Variants in PDE6B observed in about 807,000 individuals in gnomAD.
PDE6B encodes rod cGMP-specific 3',5'-cyclic phosphodiesterase subunit beta.
A neutral mutation model predicts 109.0 loss-of-function variants in PDE6B; 106 were observed. That is an observed-to-expected ratio of 0.97 (90% CI 0.83 to 1.14). PDE6B has a LOEUF of 1.14. Ranked by LOEUF, PDE6B falls within the 50% of genes most tolerant of loss-of-function variation. The pLI, the probability that PDE6B is intolerant of heterozygous loss-of-function variation, is 0.00. For missense variants in PDE6B, 1,193 were observed against 1,155.6 expected (o/e 1.03, Z -0.47); for synonymous variants, 490 against 471.3 (o/e 1.04, Z -0.51).
intron 3 of PDE6B, among the ~76,000 whole-genome samples, chr4:643,573 G>A (rs1735045225): frequency 6.6e-6 from 1 of 152,076 alleles, no homozygotes; most frequent in Admixed American, 6.5e-5. Flanking sequence ...ATTAATTATT[G>A]ATTCAATTTC....
chr4:642,731 A>AAC (rs1248826236), intron 3 of PDE6B, among the ~76,000 whole-genome samples: 2 of 150,340 alleles, frequency 1.3e-5, no homozygotes, highest in Non-Finnish European at 3.0e-5. Context: ...GTCTCAAAAA[A>AAC]AAAAAAAAAA....
At chr4:649,125 G>A (rs980773786) in intron 3 of PDE6B, among the ~76,000 whole-genome samples, 116 of 152,352 alleles carry the variant, frequency 7.6e-4, no homozygotes, top group Non-Finnish European at 8.2e-4. Flanking sequence ...CTGCCGTAGC[G>A]AAGCCCCGAG....
At position 663,623 on chromosome 4, in the gene PDE6B, C is replaced by A; in HGVS notation, c.1921-147C>A. 1.4e-6 allele frequency: 1 copy of A among 694,870 alleles called. No individual in the cohort carries two copies. Among genetic ancestry groups the A allele is most frequent in the Non-Finnish European group, 2.6e-6 (1 of 379,074 alleles). The allele number at this position is 694,870 out of a possible 1,614,324, so 43.0% of individuals were successfully genotyped here. ...TGGGCACCCTGAGGAGGGCCCTGAG[C>A]AGCAGGCGGATTAGGGGTCCCGCCC... is the stretch of plus-strand genomic sequence containing the variant. On this transcript the variant is annotated intron_variant, in intron 15 of 21. Transcript: ENST00000496514. The surrounding 1 kb of genome is among the most constrained non-coding windows in gnomAD (Gnocchi z 4.0).
chr4:659,097 C>A, intron 11 of PDE6B, 80 bp downstream of exon 11: 1 of 1,040,398 alleles, frequency 9.6e-7, no homozygotes, highest in Non-Finnish European at 1.5e-6. Context: ...TTCTCCGGGA[C>A]CCGACGGTGC....
chr4:643,789 G>A (rs553845228), intron 3 of PDE6B, among the ~76,000 whole-genome samples: 71 of 149,696 alleles, frequency 4.7e-4, no homozygotes, highest in South Asian at 2.7e-3. Flanking sequence ...AGCTTTGAGT[G>A]TTGATTTAGA....
chr4:655,819 A>C (rs1736158348), intron 6 of PDE6B, 121 bp from the exon 7 acceptor site: 1 of 757,554 alleles, frequency 1.3e-6, no homozygotes, highest in Non-Finnish European at 2.4e-6. Context: ...ACCCCTGCAC[A>C]CACACGTGCA....
At chr4:639,491 G>C (rs1422903951) in intron 3 of PDE6B, among the ~76,000 whole-genome samples, 3 of 152,098 alleles carry the variant, frequency 2.0e-5, no homozygotes, top group Non-Finnish European at 4.4e-5. Context: ...AAGTTCATGG[G>C]CAAATGTCTG....
chr4:637,826 G>A (rs948224479), intron 3 of PDE6B, among the ~76,000 whole-genome samples: 6 of 152,200 alleles, frequency 3.9e-5, no homozygotes, highest in South Asian at 4.1e-4. Context: ...ACGACAGCGC[G>A]ACACATTCTG....
Position 662,132 on chromosome 4 carries a change from A to C in PDE6B, c.1615-2A>C. ...AGCCCTGTGTCCTCTCGGCTCCCCC[A>C]GGTCCTGGTGCGGTTCCTGTTCTCC... On this transcript the variant is annotated splice_acceptor_variant, in intron 12 of 21. Transcript: ENST00000496514. LOFTEE classifies it high-confidence loss of function. This position sits in a 1 kb window ranked among gnomAD's most constrained non-coding sequence, Gnocchi z 4.3. 6.6e-7 allele frequency: 1 copy of C among 1,510,812 alleles called. No individual in the cohort carries two copies. 93.6% of individuals were successfully genotyped at this position (1,510,812 alleles called of 1,614,324 possible). A position where few individuals can be genotyped will look rare whatever the true frequency, so the allele number is the denominator to read the frequency against.
At chr4:642,362 G>T (rs1010981784) in intron 3 of PDE6B, among the ~76,000 whole-genome samples, 3 of 152,094 alleles carry the variant, frequency 2.0e-5, no homozygotes, top group Admixed American at 1.3e-4. Context: ...TATAATTCCA[G>T]CTACTTGGGA....
In PDE6B at chr4:644,895, T is replaced by G. The variant is rs1735124945; in HGVS notation, c.711+8926T>G. Among the ~76,000 whole-genome samples the G allele has an allele frequency of 1.3e-5, 2 of 152,078 alleles. 1 individual carries two copies. Among genetic ancestry groups the G allele is most frequent in the African/African-American group, 4.8e-5 (2 of 41,334 alleles). Reference sequence around the variant, plus strand: ...TGCCTGCTGGATGTGCTCATTCTGATAGAGGGTACTAAGTCTCCAACAGTA... The same window carrying G: ...TGCCTGCTGGATGTGCTCATTCTGAGAGAGGGTACTAAGTCTCCAACAGTA... On this transcript the variant is annotated intron_variant, in intron 3 of 21. Transcript: ENST00000496514.
rs1011162042 is a variant in PDE6B, at chr4:636,941, C to A, written c.711+972C>A. ...AGCCCCAATCCAAGCAGGCCTCTCA[C>A]GGCCAGGGCCGTGGGAACCAGGGAC... On this transcript the variant is annotated intron_variant, in intron 3 of 21. Coordinates refer to ENST00000496514, the MANE Select transcript of PDE6B (RefSeq NM_000283.4). The surrounding 1 kb of genome is among the most constrained non-coding windows in gnomAD (Gnocchi z 4.5). Among the ~76,000 whole-genome samples, 5 of 152,220 alleles carry A rather than the reference C, an allele frequency of 3.3e-5. No homozygotes were observed. Among genetic ancestry groups the A allele is most frequent in the African/African-American group, 1.2e-4 (5 of 41,458 alleles).
intron 3 of PDE6B, among the ~76,000 whole-genome samples, chr4:639,911 C>G (rs1001502986): frequency 1.3e-5 from 2 of 152,074 alleles, no homozygotes; most frequent in African/African-American, 4.8e-5. Context: ...CTGGGTCTCC[C>G]CCTCAGGTCC....
chr4:667,823 C>A, intron 20 of PDE6B, 33 bp from the exon 21 acceptor site: 1 of 1,607,746 alleles, frequency 6.2e-7, no homozygotes, highest in African/African-American at 1.3e-5. Flanking sequence ...GCAGGCAGGA[C>A]AGGACTGGTG....
In PDE6B at chr4:648,297, G is replaced by A. The variant is rs1272087647; in HGVS notation, c.712-5555G>A. 6.6e-6 allele frequency among the ~76,000 whole-genome samples: 1 copy of A among 152,114 alleles called. No individual in the cohort carries two copies. The highest frequency in any genetic ancestry group is 6.5e-5 in the Admixed American group (1 of 15,278). ...TCGATTTTGCACCAGACATTGCCCA[G>A]TCCTAGGAAAAGCTGTTTCTGGGTC... On this transcript the variant is annotated intron_variant, in intron 3 of 21. Coordinates refer to ENST00000496514, the MANE Select transcript of PDE6B (RefSeq NM_000283.4). This position sits in a 1 kb window ranked among gnomAD's most constrained non-coding sequence, Gnocchi z 4.5.
Position 662,456 on chromosome 4 carries a change from T to TC in PDE6B, c.1723-49dup. ...CTAGGTCATCCCAACCCCTCACCAC[T>TC]CCCCACCCTGCTGGAGCCAGGACCG... On this transcript the variant is annotated intron_variant, in intron 13 of 21. Coordinates refer to ENST00000496514, the MANE Select transcript of PDE6B (RefSeq NM_000283.4). This position sits in a 1 kb window ranked among gnomAD's most constrained non-coding sequence, Gnocchi z 4.3. 7.8e-7 allele frequency: 1 copy of TC among 1,281,484 alleles called. No individual in the cohort carries two copies. Among genetic ancestry groups the TC allele is most frequent in the Non-Finnish European group, 1.1e-6 (1 of 877,944 alleles). 79.4% of individuals were successfully genotyped at this position (1,281,484 alleles called of 1,614,324 possible). A position where few individuals can be genotyped will look rare whatever the true frequency, so the allele number is the denominator to read the frequency against.
rs1735303656 is a variant in PDE6B at position 648,189 on chromosome 4, T to C, written c.712-5663T>C. ...GAATTACCAACACCTAGGAAACTCC[T>C]TGTTTCCAGCCTCTCAGTCTGCAGG... On this transcript the variant is annotated intron_variant, in intron 3 of 21. Transcript: ENST00000496514. The surrounding 1 kb of genome is among the most constrained non-coding windows in gnomAD (Gnocchi z 4.5). 6.6e-6 allele frequency among the ~76,000 whole-genome samples: 1 copy of C among 152,048 alleles called. No individual in the cohort carries two copies. The highest frequency in any genetic ancestry group is 6.6e-5 in the Admixed American group (1 of 15,266).
rs765804881 is a variant in PDE6B at position 634,818 on chromosome 4, G to T, written c.610G>T (p.Glu204Ter). Residue 204 changes from glutamate (E) to a stop codon, truncating the protein, a stop_gained, in exon 2 of 22, where the codon GAA becomes TAA. Coordinates refer to ENST00000496514, the MANE Select transcript of PDE6B (RefSeq NM_000283.4). LOFTEE classifies it high-confidence loss of function. ...GCTCAACGGCCCATTCTTCACCAGC[G>T]AAGACGAAGATGTGAGTGTGGGGGG... ...NKLNGPFFTS[E>*]DEDVFLKYLN... The T allele has an allele frequency of 1.2e-6, 2 of 1,613,710 alleles. No individual in the cohort carries two copies. Among genetic ancestry groups the T allele is most frequent in the East Asian group, 4.5e-5 (2 of 44,872 alleles).
chr4:654,466 T>C (rs1735955558), intron 5 of PDE6B: 3 of 562,844 alleles, frequency 5.3e-6, no homozygotes, highest in Non-Finnish European at 9.7e-6. Context: ...AGGATGCGTG[T>C]GTGTGTGTGT....
Sources: gnomAD v4.1 joint callset for allele counts (sites outside exome capture counted in the v4.1 genomes callset) on GRCh38, gnomAD v4.1.1 for gene constraint, Gnocchi (gnomAD v3.1) non-coding constraint, MANE v1.5 for transcripts, NCBI Gene and HGNC (gene_info 2026-07-23, HGNC 2026-07-21) for gene names.